HMOX2: variants seen among roughly 807,000 people sequenced by gnomAD.
The protein encoded by HMOX2 is heme oxygenase 2.
Under a neutral mutation model 33.7 loss-of-function variants are expected in HMOX2, and 30 were observed. That is an observed-to-expected ratio of 0.89 (90% CI 0.67 to 1.21). HMOX2 has a LOEUF of 1.21. HMOX2 is among the 50% of genes most tolerant of loss of function. HMOX2 has a pLI of 0.00. For synonymous variants in HMOX2, 155 were observed against 155.0 expected, an observed-to-expected ratio of 1.00 and a Z score of 0.00; for missense variants, 403 against 399.1, an observed-to-expected ratio of 1.01 and a Z score of -0.08.
chr16:4,507,637 C>T (rs2058726708), intron 3 of HMOX2, 76 bp from the exon 4 acceptor site: 3 of 1,510,262 alleles, frequency 2.0e-6, no homozygotes, highest in Non-Finnish European at 2.7e-6. Context: ...TGGGGGTTGT[C>T]ACTTGAGCCT....
chr16:4,493,615 G>A (rs2058352281), intron 1 of HMOX2, among the ~76,000 whole-genome samples: 1 of 152,170 alleles, frequency 6.6e-6, no homozygotes, highest in Admixed American at 6.5e-5. Context: ...TCTATGTGCT[G>A]CCTCTTGGCC....
chr16:4,482,549 A>T (rs1435049005), intron 1 of HMOX2, among the ~76,000 whole-genome samples: 1 of 152,198 alleles, frequency 6.6e-6, no homozygotes, highest in East Asian at 1.9e-4. Context: ...TCAGTCCCAC[A>T]AAACTGTCCC....
intron 1 of HMOX2, among the ~76,000 whole-genome samples, chr16:4,501,015 G>A (rs886788342): frequency 6.6e-6 from 1 of 152,086 alleles, no homozygotes; most frequent in Non-Finnish European, 1.5e-5. Flanking sequence ...GGGTAGACTG[G>A]CCTTTCTAGA....
At chr16:4,481,699 T>G (rs921241082) in intron 1 of HMOX2, 2 of 152,240 alleles carry the variant, frequency 1.3e-5, no homozygotes, top group Admixed American at 6.5e-5. Context: ...CAAGATCTTA[T>G]CTTTCTTTGT....
chr16:4,483,581 A>T (rs1366800605), intron 1 of HMOX2: 2 of 152,154 alleles, frequency 1.3e-5, no homozygotes, highest in African/African-American at 4.8e-5. Flanking sequence ...CCAGGAACCT[A>T]GGGTGCAGAT....
chr16:4,474,788 G>C (rs531118676), upstream of HMOX2: 2 of 152,484 alleles, frequency 1.3e-5, no homozygotes, highest in African/African-American at 4.8e-5. Context: ...TGCTACGGGT[G>C]ATGACTGGGA....
At chr16:4,483,392 GC>G (rs751337730) in intron 1 of HMOX2, among the ~76,000 whole-genome samples, 4 of 148,276 alleles carry the variant, frequency 2.7e-5, no homozygotes, top group Non-Finnish European at 5.9e-5. Context: ...CCATCTAGGA[GC>G]CCACCAAGAG....
Position 4,509,421 on chromosome 16 carries a change from G to C in HMOX2, c.706G>C (p.Glu236Gln). 4.3e-6 allele frequency: 7 copies of C among 1,613,842 alleles called. No homozygotes were observed. Among genetic ancestry groups the C allele is most frequent in the Non-Finnish European group, 5.9e-6 (7 of 1,179,966 alleles). Reference protein sequence around the residue: ...AFEYNMQIFNELDQAGSTLAR... With the variant: ...AFEYNMQIFNQLDQAGSTLAR... ...TCCTCTGCTCCTGCAGATATTCAATGAACTGGACCAGGCCGGCTCCACACT... is the reference window on the plus strand; with the variant it reads ...TCCTCTGCTCCTGCAGATATTCAATCAACTGGACCAGGCCGGCTCCACACT... Residue 236 changes from glutamate to glutamine, a missense_variant, in exon 5 of 6, where the codon GAA becomes CAA. Coordinates refer to ENST00000570646, the MANE Select transcript of HMOX2 (RefSeq NM_002134.4).
chr16:4,485,750 G>C (rs181173616), intron 1 of HMOX2, among the ~76,000 whole-genome samples: 1 of 152,036 alleles, frequency 6.6e-6, no homozygotes, highest in African/African-American at 2.4e-5. Flanking sequence ...TTTGAGAGAA[G>C]TCTCGCTCTT....
intron 1 of HMOX2, among the ~76,000 whole-genome samples, chr16:4,480,146 C>G (rs986428038): frequency 2.0e-5 from 3 of 151,824 alleles, no homozygotes; most frequent in Non-Finnish European, 2.9e-5. Flanking sequence ...CTCTGGGGTT[C>G]AAGCAGTTCT....
intron 1 of HMOX2, among the ~76,000 whole-genome samples, chr16:4,485,471 C>G (rs2058144176): frequency 6.6e-6 from 1 of 152,074 alleles, no homozygotes. Flanking sequence ...ACAGTAAAAT[C>G]ACTTTGTAAG....
intron 1 of HMOX2, among the ~76,000 whole-genome samples, chr16:4,485,632 G>A (rs1468188187): frequency 3.3e-5 from 5 of 152,114 alleles, no homozygotes; most frequent in African/African-American, 1.2e-4. Flanking sequence ...AGCACTCAGG[G>A]TCTTACTGAA....
chr16:4,477,287 T>C (rs2057882914), intron 1 of HMOX2, among the ~76,000 whole-genome samples: 1 of 151,466 alleles, frequency 6.6e-6, no homozygotes, highest in Non-Finnish European at 1.5e-5. Flanking sequence ...TTGCTTGAGG[T>C]CAGGAGTCCG....
At position 4,498,061 on chromosome 16, in the gene HMOX2, C is replaced by CTTT. The variant is rs35332500; in HGVS notation, c.-41-7402_-41-7400dup. On this transcript the variant is annotated intron_variant, in intron 1 of 5. Transcript: ENST00000570646. The stretch of plus-strand genomic sequence containing the variant: ...TCCCCACTTTTCCAGGATTCATTGT[C>CTTT]TTTTTTTTTTTTTTTTTTTTTTTGA... Among the ~76,000 whole-genome samples the CTTT allele has an allele frequency of 1.9e-3, 196 of 104,374 alleles. 2 individuals are homozygous for CTTT. The highest frequency in any genetic ancestry group is 2.3e-3 in the African/African-American group (62 of 26,688). 68.5% of individuals were successfully genotyped at this position (104,374 alleles called of 152,430 possible).
chr16:4,476,773 C>T (rs2057858246), intron 1 of HMOX2: 1 of 152,260 alleles, frequency 6.6e-6, no homozygotes, highest in Admixed American at 6.5e-5. Flanking sequence ...GCGGGGAGGC[C>T]TGAATGGCTC....
rs867070815 is a variant in HMOX2, at chr16:4,509,776, C to T, written c.*20C>T. ...ATGTGAAGCACCCATCATGCCACACCGGTACCCTCCTCCCGACTGACCACT... is the reference window on the plus strand; with the variant it reads ...ATGTGAAGCACCCATCATGCCACACTGGTACCCTCCTCCCGACTGACCACT... On this transcript the variant is annotated 3_prime_UTR_variant, in exon 6 of 6. Transcript: ENST00000570646. The T allele has an allele frequency of 7.5e-6, 12 of 1,606,828 alleles. No individual in the cohort carries two copies. Among genetic ancestry groups the T allele is most frequent in the African/African-American group, 4.0e-5 (3 of 74,768 alleles).
In HMOX2 at chr16:4,509,745, T is replaced by C. The variant is rs1406228176; in HGVS notation, c.940T>C (p.Tyr314His). The change falls in exon 6 of 6, where the codon TAC becomes CAC. Residue 314 changes from tyrosine to histidine, a missense_variant. By Grantham distance (83) the Tyr-to-His change is moderately conservative. Transcript: ENST00000570646. ...CCTAGCTGCTGGACTCTTGGCCTGG[T>C]ACTACATGTGAAGCACCCATCATGC... is the stretch of plus-strand genomic sequence containing the variant. The part of the protein sequence containing the change: ...VALAAGLLAW[Y>H]YM 1 of 1,612,934 alleles carries C rather than the reference T, an allele frequency of 6.2e-7. No homozygotes were observed. Among genetic ancestry groups the C allele is most frequent in the Non-Finnish European group, 8.5e-7 (1 of 1,179,826 alleles).
At position 4,489,789 on chromosome 16, in the gene HMOX2, G is replaced by T. The variant is rs569795441; in HGVS notation, c.-42+13302G>T. On this transcript the variant is annotated intron_variant, in intron 1 of 5. Coordinates refer to ENST00000570646, the MANE Select transcript of HMOX2 (RefSeq NM_002134.4). The stretch of plus-strand genomic sequence containing the variant: ...CAGCTAATTTTATAATTTTTGGGGG[G>T]AGGTAGCAACAGAGATCTCCATATG... 1.1e-4 allele frequency among the ~76,000 whole-genome samples: 17 copies of T among 152,048 alleles called. 1 individual carries two copies. In the South Asian group the frequency reaches 3.3e-3, roughly 30 times the overall value.
At chr16:4,494,040 G>A (rs1189649366) in intron 1 of HMOX2, among the ~76,000 whole-genome samples, 1 of 152,164 alleles carries the variant, frequency 6.6e-6, no homozygotes, top group African/African-American at 2.4e-5. Flanking sequence ...CTGTCGGGCC[G>A]GCACTGTGGC....
Sources: gnomAD v4.1 joint callset for allele counts (sites outside exome capture counted in the v4.1 genomes callset) on GRCh38, gnomAD v4.1.1 for gene constraint, MANE v1.5 for transcripts, NCBI Gene and HGNC (gene_info 2026-07-23, HGNC 2026-07-21) for gene names.